Variants in TCFL5 observed in about 807,000 individuals in gnomAD.
TCFL5 encodes the protein transcription factor-like 5 protein.
In TCFL5, 9 loss-of-function variants were observed where a neutral mutation model predicts 44.3. The observed-to-expected ratio is 0.20, with a 90% CI of 0.12 to 0.35. The LOEUF is 0.35. Among genes scored for constraint, TCFL5 ranks in the 10% least tolerant of loss-of-function variants. TCFL5 has a pLI of 1.00. For missense variants in TCFL5, 603 were observed against 613.4 expected, an observed-to-expected ratio of 0.98 and a Z score of 0.18; for synonymous variants, 319 against 271.6, an observed-to-expected ratio of 1.17 and a Z score of -1.72.
At chr20:62,852,469 G>A (rs906515743) in intron 5 of TCFL5, 18 of 985,360 alleles carry the variant, frequency 1.8e-5, no homozygotes, top group Admixed American at 6.1e-5. Context: ...GCCACTGAGG[G>A]GCTGACTGAA....
At position 62,846,272 on chromosome 20, in the gene TCFL5, C is replaced by T. The variant is rs140821191; in HGVS notation, c.1381-4175G>A. Among the ~76,000 whole-genome samples the T allele has an allele frequency of 1.1e-3, 170 of 152,326 alleles. 1 individual carries two copies. The highest frequency in any genetic ancestry group is 3.7e-3 in the African/African-American group (153 of 41,572). On this transcript the variant is annotated intron_variant, in intron 5 of 5. Transcript: ENST00000335351. ...CACACAGTGATGAGGCTAGTCCCGG[C>T]GTCTGCCTTCACTATGAACAGTTGG...
intron 5 of TCFL5, chr20:62,846,218 G>A: frequency 2.7e-6 from 2 of 749,538 alleles, no homozygotes; most frequent in Non-Finnish European, 3.8e-6. Flanking sequence ...GACATAACTA[G>A]GCGCTCGCAA....
intron 5 of TCFL5, among the ~76,000 whole-genome samples, chr20:62,843,505 T>A (rs1358197656): frequency 6.6e-6 from 1 of 152,224 alleles, no homozygotes; most frequent in Non-Finnish European, 1.5e-5. Flanking sequence ...GGGAGTTCAC[T>A]TTCTATTTCT....
intron 4 of TCFL5, among the ~76,000 whole-genome samples, chr20:62,854,604 C>G (rs1371577372): frequency 6.6e-6 from 1 of 152,222 alleles, no homozygotes; most frequent in Non-Finnish European, 1.5e-5. Flanking sequence ...AAATACCCTA[C>G]CAGGAACTCG....
intron 5 of TCFL5, among the ~76,000 whole-genome samples, chr20:62,846,839 A>G (rs1207710909): frequency 6.6e-6 from 1 of 152,136 alleles, no homozygotes; most frequent in Non-Finnish European, 1.5e-5. Flanking sequence ...TTAGTAAGAA[A>G]AAAGAAATAG....
At chr20:62,856,983 G>C (rs2063902695) in intron 4 of TCFL5, among the ~76,000 whole-genome samples, 1 of 152,174 alleles carries the variant, frequency 6.6e-6, no homozygotes, top group Non-Finnish European at 1.5e-5. Context: ...ACACGCCCCT[G>C]GTCTCTAGCG....
intron 5 of TCFL5, among the ~76,000 whole-genome samples, chr20:62,849,519 T>C (rs1331498294): frequency 1.3e-5 from 2 of 152,096 alleles, no homozygotes; most frequent in Non-Finnish European, 2.9e-5. Flanking sequence ...CAGTGCATAA[T>C]CCATGGCTGG....
At chr20:62,846,133 T>G in intron 5 of TCFL5, 1 of 1,252,940 alleles carries the variant, frequency 8.0e-7, no homozygotes, top group Non-Finnish European at 1.1e-6. Context: ...ATTGGAAGCA[T>G]TCTTAATTAT....
At chr20:62,859,278 C>T (rs905809321) in intron 3 of TCFL5, 86 bp downstream of exon 3, 1 of 1,371,182 alleles carries the variant, frequency 7.3e-7, no homozygotes, top group Non-Finnish European at 1.0e-6. Context: ...AACCATCTGT[C>T]TCCCCTGCCC....
In TCFL5 at chr20:62,841,782, T is replaced by C. The variant is rs2063682564; in HGVS notation, c.*193A>G. 1 of 537,932 alleles carries C rather than the reference T, an allele frequency of 1.9e-6. No individual in the cohort carries two copies. The highest frequency in any genetic ancestry group is 3.0e-6 in the Non-Finnish European group (1 of 330,138). 33.3% of individuals were successfully genotyped at this position (537,932 alleles called of 1,614,324 possible). On this transcript the variant is annotated 3_prime_UTR_variant, in exon 6 of 6. Coordinates refer to ENST00000335351, the MANE Select transcript of TCFL5 (RefSeq NM_006602.4). ...ATCCCCAAATGGTCTAAGAGGACATTCATGGATAAGCATTTGCGTCTAGAT... is the reference window on the plus strand; with the variant it reads ...ATCCCCAAATGGTCTAAGAGGACATCCATGGATAAGCATTTGCGTCTAGAT...
At chr20:62,845,864 A>C (rs1250115585) in intron 5 of TCFL5, 3 of 1,578,628 alleles carry the variant, frequency 1.9e-6, no homozygotes, top group African/African-American at 1.4e-5. Context: ...TTGCGTGTGG[A>C]GAAACAGTGC....
chr20:62,853,114 C>T (rs1371081615), intron 5 of TCFL5, among the ~76,000 whole-genome samples: 5 of 149,538 alleles, frequency 3.3e-5, no homozygotes, highest in Admixed American at 1.3e-4. Context: ...CATAGTCACC[C>T]GGTCCACAGA....
intron 4 of TCFL5, among the ~76,000 whole-genome samples, chr20:62,856,228 G>A (rs1441768464): frequency 4.8e-5 from 7 of 146,466 alleles, no homozygotes; most frequent in Non-Finnish European, 7.5e-5. Flanking sequence ...ATTCCAGCCT[G>A]GGTGACAAAG....
intron 5 of TCFL5, among the ~76,000 whole-genome samples, chr20:62,849,275 G>C (rs2063779845): frequency 6.6e-6 from 1 of 152,188 alleles, no homozygotes; most frequent in African/African-American, 2.4e-5. Flanking sequence ...AGGGAGAATG[G>C]AGCAAACCCG....
intron 1 of TCFL5, among the ~76,000 whole-genome samples, chr20:62,860,802 G>A (rs1190815202): frequency 1.3e-5 from 2 of 152,212 alleles, no homozygotes; most frequent in Admixed American, 6.5e-5. Context: ...GGCCACTGAG[G>A]GAGGGGGTGT....
At chr20:62,851,804 C>T (rs2063813808) in intron 5 of TCFL5, 6 of 985,250 alleles carry the variant, frequency 6.1e-6, no homozygotes, top group African/African-American at 1.7e-5. Context: ...CCCACCATGA[C>T]GTAGACACAG....
At position 62,842,006 on chromosome 20, in the gene TCFL5, A is replaced by G; in HGVS notation, c.1472T>C (p.Leu491Ser). 6.2e-7 allele frequency: 1 copy of G among 1,614,170 alleles called. No homozygotes were observed. The highest frequency in any genetic ancestry group is 8.5e-7 in the Non-Finnish European group (1 of 1,180,014). ...GATCTCCATCGAGGGGCTGCTCTGTAAACTCCCCTGTGCAGGACAGGTCAC... is the reference window on the plus strand; with the variant it reads ...GATCTCCATCGAGGGGCTGCTCTGTGAACTCCCCTGTGCAGGACAGGTCAC... Reference protein sequence around the residue: ...SLVTCPAQGSLQSSPSMEIK With the variant: ...SLVTCPAQGSSQSSPSMEIK The change falls in exon 6 of 6, where the codon TTA becomes TCA. Residue 491 changes from leucine to serine, a missense_variant. Leu to Ser is a moderately radical substitution (Grantham distance 145, BLOSUM62 -2). Around this residue, in one of 4 missense-constraint regions of TCFL5, gnomAD observed 41 missense variants for 61.4 expected, o/e 0.67. Transcript: ENST00000335351. The surrounding 1 kb of genome is among the most constrained non-coding windows in gnomAD (Gnocchi z 4.3).
chr20:62,860,116 G>A lies in TCFL5; in HGVS notation c.831+9C>T. ...AAAAGAGCAAAGCTTCACAAATCAT[G>A]TTCCCTACCTGTGTCTGTGAAAGAT... On this transcript the variant is annotated intron_variant, in intron 2 of 5. Coordinates refer to ENST00000335351, the MANE Select transcript of TCFL5 (RefSeq NM_006602.4). 2 of 1,596,856 alleles carry A rather than the reference G, an allele frequency of 1.3e-6. No homozygotes were observed. Among genetic ancestry groups the A allele is most frequent in the Non-Finnish European group, 1.7e-6 (2 of 1,166,676 alleles).
At chr20:62,843,016 TCAACCTCC>T (rs2063696857) in intron 5 of TCFL5, among the ~76,000 whole-genome samples, 1 of 152,076 alleles carries the variant, frequency 6.6e-6, no homozygotes, top group Non-Finnish European at 1.5e-5. Flanking sequence ...GGGGTCAGTC[TCAACCTCC>T]CGAAGGAGAC....
Sources: gnomAD v4.1 joint callset for allele counts (sites outside exome capture counted in the v4.1 genomes callset) on GRCh38, gnomAD v4.1.1 for gene constraint, gnomAD v4.1.1 regional missense constraint, Gnocchi (gnomAD v3.1) non-coding constraint, MANE v1.5 for transcripts, NCBI Gene and HGNC (gene_info 2026-07-23, HGNC 2026-07-21) for gene names.